The following AFG3L2 variants were observed in gnomAD, a reference collection of about 807,000 sequenced individuals.
The protein encoded by AFG3L2 is mitochondrial inner membrane m-AAA protease component AFG3L2.
A neutral mutation model predicts 94.5 loss-of-function variants in AFG3L2; 54 were observed. The ratio of observed to expected loss-of-function variants is 0.57; its 90% CI spans 0.46 to 0.72. The LOEUF is 0.72. Ranked by LOEUF, AFG3L2 falls within the 30% of genes least tolerant of loss-of-function variation. The pLI, the probability that AFG3L2 is intolerant of heterozygous loss-of-function variation, is 0.00. For synonymous variants in AFG3L2, 377 were observed against 365.5 expected, an observed-to-expected ratio of 1.03 and a Z score of -0.36; for missense variants, 754 against 994.9, an observed-to-expected ratio of 0.76 and a Z score of 3.26.
chr18:12,339,236 CAAAAAAAAAAAAAAA>C lies in AFG3L2; in HGVS notation c.1980+950_1980+964del, dbSNP rs539968042. 5.8e-4 allele frequency among the ~76,000 whole-genome samples: 24 copies of C among 41,290 alleles called. 1 individual carries two copies. The highest frequency in any genetic ancestry group is 2.4e-3 in the African/African-American group (23 of 9,470). 27.1% of individuals were successfully genotyped at this position (41,290 alleles called of 152,430 possible). A position where few individuals can be genotyped will look rare whatever the true frequency, so the allele number is the denominator to read the frequency against. On this transcript the variant is annotated intron_variant, in intron 15 of 16. Coordinates refer to ENST00000269143, the MANE Select transcript of AFG3L2 (RefSeq NM_006796.3). Reference sequence around the variant, plus strand: ...AGCCTGGGCGACCGAGACTCTGTCTCAAAAAAAAAAAAAAAAAAAAAAAAAAGGTTTCTCAGCCAA... The same window carrying C: ...AGCCTGGGCGACCGAGACTCTGTCTCAAAAAAAAAAAGGTTTCTCAGCCAA...
In AFG3L2 at chr18:12,376,985, TG is replaced by T; in HGVS notation, c.97del (p.Gln33SerfsTer23). 6.8e-7 allele frequency: 1 copy of T among 1,460,644 alleles called. No homozygotes were observed. The highest frequency in any genetic ancestry group is 1.3e-5 in the South Asian group (1 of 76,134). 90.5% of individuals were successfully genotyped at this position (1,460,644 alleles called of 1,614,324 possible). A position where few individuals can be genotyped will look rare whatever the true frequency, so the allele number is the denominator to read the frequency against. On this transcript the variant is annotated frameshift_variant, in exon 1 of 17. Coordinates refer to ENST00000269143, the MANE Select transcript of AFG3L2 (RefSeq NM_006796.3). LOFTEE classifies it high-confidence loss of function. ...LVPGGVGPGEQPCLRTLYRFV... is the reference protein window; with the variant it reads ...LVPGGVGPGEXPCLRTLYRFV... Reference sequence around the variant, plus strand: ...AGGACTCACCGTCCGGAGGCAGGGCTGCTCGCCCGGGCCCACGCCGCCAGGC... The same window carrying T: ...AGGACTCACCGTCCGGAGGCAGGGCTCTCGCCCGGGCCCACGCCGCCAGGC...
chr18:12,331,860 T>TATAA (rs1907543197), intron 16 of AFG3L2, among the ~76,000 whole-genome samples: 11 of 141,218 alleles, frequency 7.8e-5, no homozygotes, highest in African/African-American at 3.1e-4. Context: ...TATATATATA[T>TATAA]AAAACAAGGG....
At chr18:12,360,235 T>C in intron 6 of AFG3L2, 184 bp from the exon 7 acceptor site, 1 of 594,240 alleles carries the variant, frequency 1.7e-6, no homozygotes, top group Non-Finnish European at 2.9e-6. Flanking sequence ...TGAGAACACT[T>C]GGCAATTCTT....
intron 10 of AFG3L2, among the ~76,000 whole-genome samples, chr18:12,351,939 C>A (rs548415980): frequency 1.5e-4 from 23 of 152,172 alleles, no homozygotes; most frequent in Admixed American, 9.2e-4. Flanking sequence ...AAAAGTTTTA[C>A]GAGTAAATTT....
intron 6 of AFG3L2, 117 bp from the exon 7 acceptor site, chr18:12,360,168 GAATA>G (rs1908615963): frequency 1.4e-5 from 14 of 972,360 alleles, no homozygotes; most frequent in Non-Finnish European, 2.1e-5. Context: ...ATAAATTAAA[GAATA>G]AACAATAATA....
Position 12,348,397 on chromosome 18 carries a change from A to T in AFG3L2, c.1553-14T>A, listed in dbSNP as rs1199019411. ...CAACATCAGCACCTAAAAAATGAACACAGAACAGCTTACCCACCGAAATAC... is the reference window on the plus strand; with the variant it reads ...CAACATCAGCACCTAAAAAATGAACTCAGAACAGCTTACCCACCGAAATAC... On this transcript the variant is annotated splice_polypyrimidine_tract_variant and intron_variant, in intron 12 of 16. Coordinates refer to ENST00000269143, the MANE Select transcript of AFG3L2 (RefSeq NM_006796.3). 1 of 1,608,618 alleles carries T rather than the reference A, an allele frequency of 6.2e-7. No homozygotes were observed. The highest frequency in any genetic ancestry group is 8.5e-7 in the Non-Finnish European group (1 of 1,175,110).
rs774440257 is a variant in AFG3L2 at position 12,371,562 on chromosome 18, A to G, written c.214+30T>C. 5 of 1,589,558 alleles carry G rather than the reference A, an allele frequency of 3.1e-6. No homozygotes were observed. The East Asian group carries it at 6.7e-5, about 21-fold the overall frequency. ...GACAAAAGACCCAACCTAAGAATGT[A>G]GAACACTACAGCCACACCTAAGCAT... On this transcript the variant is annotated intron_variant, in intron 2 of 16. Coordinates refer to ENST00000269143, the MANE Select transcript of AFG3L2 (RefSeq NM_006796.3).
At chr18:12,337,788 T>C (rs752066726) in intron 15 of AFG3L2, among the ~76,000 whole-genome samples, 1 of 152,118 alleles carries the variant, frequency 6.6e-6, no homozygotes, top group Non-Finnish European at 1.5e-5. Context: ...CTTTTTTTTT[T>C]AGACAGAGTC....
At chr18:12,371,275 G>A (rs1326885211) in intron 2 of AFG3L2, among the ~76,000 whole-genome samples, 1 of 149,092 alleles carries the variant, frequency 6.7e-6, no homozygotes, top group Non-Finnish European at 1.5e-5. Context: ...GATCGCACTA[G>A]TGCACTCCAA....
chr18:12,359,894 C>T lies in AFG3L2; in HGVS notation c.752+33G>A, dbSNP rs2143195526. Reference sequence around the variant, plus strand: ...CACAGTGAACCACAGGCAGCACAGTCAACAGTCTACAAAATATTATATTTG... The same window carrying T: ...CACAGTGAACCACAGGCAGCACAGTTAACAGTCTACAAAATATTATATTTG... On this transcript the variant is annotated intron_variant, in intron 7 of 16. Transcript: ENST00000269143. 2.5e-6 allele frequency: 4 copies of T among 1,611,672 alleles called. No individual in the cohort carries two copies. The South Asian group carries it at 4.4e-5, about 18-fold the overall frequency.
At chr18:12,365,274 C>G (rs1488973420) in intron 5 of AFG3L2, among the ~76,000 whole-genome samples, 1 of 152,172 alleles carries the variant, frequency 6.6e-6, no homozygotes, top group East Asian at 1.9e-4. Context: ...TCAGGAGGAG[C>G]TGCAGCTATG....
intron 6 of AFG3L2, among the ~76,000 whole-genome samples, chr18:12,361,339 C>T (rs1908653918): frequency 1.3e-5 from 2 of 150,822 alleles, no homozygotes; most frequent in South Asian, 2.1e-4. Flanking sequence ...GGCAACAGAG[C>T]GAGACTCCAT....
chr18:12,331,694 T>TGA (rs1228621692), intron 16 of AFG3L2, among the ~76,000 whole-genome samples: 2 of 151,962 alleles, frequency 1.3e-5, no homozygotes, highest in African/African-American at 4.8e-5. Context: ...CTCAGGAGGC[T>TGA]GAGGCGGGAG....
rs1907904115 is a variant in AFG3L2, at chr18:12,340,240, T to C, written c.1941A>G (p.Gln647=). 1 of 1,614,050 alleles carries C rather than the reference T, an allele frequency of 6.2e-7. No individual in the cohort carries two copies. Among genetic ancestry groups the C allele is most frequent in the South Asian group, 1.1e-5 (1 of 91,094 alleles). The change falls in exon 15 of 17, where the codon CAA becomes CAG. Residue 647 remains glutamine (Q), a synonymous_variant. Transcript: ENST00000269143. ...TCTGAGTTACTTTTCTCAAGTCATC[T>C]TGAGCACCAGTTGTAATTCTTCCAA... is the stretch of plus-strand genomic sequence containing the variant. ...IFFGRITTGA[Q]DDLRKVTQSA...
chr18:12,363,747 A>G (rs761300355), intron 6 of AFG3L2, 35 bp downstream of exon 6: 1 of 1,538,820 alleles, frequency 6.5e-7, no homozygotes, highest in South Asian at 1.1e-5. Context: ...AAGTTAATTT[A>G]CAACTAATTC....
chr18:12,372,933 G>A lies in AFG3L2; in HGVS notation c.115-1242C>T, dbSNP rs371577112. On this transcript the variant is annotated intron_variant, in intron 1 of 16. Transcript: ENST00000269143. ...AATGGTCGCAGGGCTTCTTTCTGGA[G>A]TGCTGAAAATGTTCTGGAATTGGAG... 1.1e-3 allele frequency among the ~76,000 whole-genome samples: 174 copies of A among 152,328 alleles called. 1 individual carries two copies. Among genetic ancestry groups the A allele is most frequent in the African/African-American group, 4.0e-3 (168 of 41,560 alleles).
chr18:12,348,248 CTTGAG>C lies in AFG3L2; in HGVS notation c.1663+20_1663+24del. 2 of 1,576,610 alleles carry C rather than the reference CTTGAG, an allele frequency of 1.3e-6. No homozygotes were observed. The highest frequency in any genetic ancestry group is 1.3e-5 in the African/African-American group (1 of 74,282). Reference sequence around the variant, plus strand: ...CAAATTCATTTTATCAGCCTTTCCACTTGAGTTATGTTCAGTTTCCTTACCACCAA... The same window carrying C: ...CAAATTCATTTTATCAGCCTTTCCACTTATGTTCAGTTTCCTTACCACCAA... On this transcript the variant is annotated intron_variant, in intron 13 of 16. Coordinates refer to ENST00000269143, the MANE Select transcript of AFG3L2 (RefSeq NM_006796.3).
intron 1 of AFG3L2, among the ~76,000 whole-genome samples, chr18:12,376,736 C>T (rs1909169376): frequency 2.6e-5 from 4 of 152,248 alleles, no homozygotes; most frequent in African/African-American, 7.2e-5. Context: ...AGCGCGAAAA[C>T]CCGGCTCTAC....
intron 9 of AFG3L2, 89 bp downstream of exon 9, chr18:12,356,605 G>A (rs752306820): frequency 1.7e-4 from 272 of 1,583,208 alleles, no homozygotes; most frequent in Non-Finnish European, 2.3e-4. Flanking sequence ...AGCACTCTAG[G>A]GGGAAGGGCC....
Sources: gnomAD v4.1 joint callset for allele counts (sites outside exome capture counted in the v4.1 genomes callset) on GRCh38, gnomAD v4.1.1 for gene constraint, MANE v1.5 for transcripts, NCBI Gene and HGNC (gene_info 2026-07-23, HGNC 2026-07-21) for gene names.